CHST9: variants seen among roughly 807,000 people sequenced by gnomAD.
The protein encoded by CHST9 is GalNAc-4-sulfotransferase 2.
In CHST9, 41 loss-of-function variants were observed where a neutral mutation model predicts 44.4. The observed-to-expected ratio is 0.92, with a 90% CI of 0.72 to 1.20. The LOEUF (loss-of-function observed/expected upper bound fraction) is 1.20. CHST9 is among the 50% of genes most tolerant of loss of function. The probability of loss-of-function intolerance (pLI) is 0.00; values close to 1 mark genes in which losing one functional copy is unlikely to be tolerated. For synonymous variants in CHST9, 171 were observed against 178.4 expected (o/e 0.96, Z 0.33); for missense variants, 504 against 516.5 (o/e 0.98, Z 0.23).
At chr18:26,960,740 G>A (rs1355844345) in intron 4 of CHST9, among the ~76,000 whole-genome samples, 1 of 152,156 alleles carries the variant, frequency 6.6e-6, no homozygotes, top group African/African-American at 2.4e-5. Flanking sequence ...GTGCGATCAG[G>A]GCTCACTCTA....
intron 4 of CHST9, among the ~76,000 whole-genome samples, chr18:26,972,734 C>T (rs558157532): frequency 2.6e-5 from 4 of 152,272 alleles, no homozygotes; most frequent in Admixed American, 2.0e-4. Context: ...CAGGGGGCGG[C>T]GGCGAGCAAG....
chr18:27,010,213 T>C (rs888247430), intron 4 of CHST9, among the ~76,000 whole-genome samples: 5 of 152,102 alleles, frequency 3.3e-5, no homozygotes, highest in African/African-American at 1.2e-4. Flanking sequence ...GAAAGGGAGA[T>C]CTCATATTCT....
chr18:27,161,347 T>C (rs1241506569), intron 1 of CHST9, among the ~76,000 whole-genome samples: 1 of 152,190 alleles, frequency 6.6e-6, no homozygotes, highest in Admixed American at 6.5e-5. Context: ...CATCTTTATT[T>C]CTGCCTTCAT....
At chr18:27,165,898 C>T (rs1047743762) in intron 1 of CHST9, among the ~76,000 whole-genome samples, 2 of 152,218 alleles carry the variant, frequency 1.3e-5, no homozygotes, top group Non-Finnish European at 2.9e-5. Context: ...TGAAATACCA[C>T]AGCCACATAG....
At position 27,131,843 on chromosome 18, in the gene CHST9, G is replaced by A. The variant is rs550248278; in HGVS notation, c.121+10846C>T. Among the ~76,000 whole-genome samples, 576 of 152,258 alleles carry A rather than the reference G, an allele frequency of 3.8e-3. 2 individuals are homozygous for A. Among genetic ancestry groups the A allele is most frequent in the Middle Eastern group, 0.01 (3 of 294 alleles). ...TTTAATTTAAAACATTCCTTTCTGC[G>A]AATCCAAATTTTACACAGAGTCTTA... is the stretch of plus-strand genomic sequence containing the variant. On this transcript the variant is annotated intron_variant, in intron 2 of 5. Coordinates refer to ENST00000618847, the MANE Select transcript of CHST9 (RefSeq NM_031422.6).
Position 27,053,281 on chromosome 18 carries a change from A to AAGAAGAAGAAGAG in CHST9, c.122-4779_122-4778insCTCTTCTTCTTCT, listed in dbSNP as rs1568151323. On this transcript the variant is annotated intron_variant, in intron 2 of 5. Coordinates refer to ENST00000618847, the MANE Select transcript of CHST9 (RefSeq NM_031422.6). Reference sequence around the variant, plus strand: ...AAGAAGGAGAAGGAGAAGGAGAAGGAGAAGGAGAAGGAGAAGGAGAAGGAG... The same window carrying AAGAAGAAGAAGAG: ...AAGAAGGAGAAGGAGAAGGAGAAGGAAGAAGAAGAAGAGGAAGGAGAAGGAGAAGGAGAAGGAG... Among the ~76,000 whole-genome samples the AAGAAGAAGAAGAG allele has an allele frequency of 6.7e-5, 9 of 134,436 alleles. 1 individual carries two copies. Among genetic ancestry groups the AAGAAGAAGAAGAG allele is most frequent in the African/African-American group, 2.6e-4 (9 of 34,994 alleles). 88.2% of individuals were successfully genotyped at this position (134,436 alleles called of 152,430 possible). A position where few individuals can be genotyped will look rare whatever the true frequency, so the allele number is the denominator to read the frequency against.
At chr18:26,938,234 C>T (rs947632113) in intron 5 of CHST9, among the ~76,000 whole-genome samples, 4 of 151,994 alleles carry the variant, frequency 2.6e-5, no homozygotes, top group South Asian at 2.1e-4. Flanking sequence ...CCCAGCACTT[C>T]GACATTTACA....
chr18:27,014,239 C>T (rs1177151101), intron 4 of CHST9, among the ~76,000 whole-genome samples: 1 of 151,900 alleles, frequency 6.6e-6, no homozygotes, highest in Non-Finnish European at 1.5e-5. Context: ...TAGTTCTATG[C>T]TCCTATGTTC....
At chr18:27,016,771 A>T (rs184196990) in intron 4 of CHST9, among the ~76,000 whole-genome samples, 1 of 152,334 alleles carries the variant, frequency 6.6e-6, no homozygotes, top group East Asian at 1.9e-4. Flanking sequence ...GTGTGTATGT[A>T]TACATCTATG....
chr18:27,171,056 A>G (rs373297630), intron 1 of CHST9, among the ~76,000 whole-genome samples: 14 of 152,172 alleles, frequency 9.2e-5, no homozygotes, highest in Admixed American at 6.5e-4. Context: ...AACAGAAGAA[A>G]AGCGCATGAC....
chr18:27,152,440 C>A (rs1380241052), intron 1 of CHST9, among the ~76,000 whole-genome samples: 1 of 150,990 alleles, frequency 6.6e-6, no homozygotes, highest in Non-Finnish European at 1.5e-5. Context: ...TGAAAAAACA[C>A]AGAGGTTATT....
chr18:26,920,435 C>A (rs12970341), intron 5 of CHST9, among the ~76,000 whole-genome samples: 21,663 of 152,144 alleles, frequency 0.14, 1,793 homozygotes, highest in East Asian at 0.22. Flanking sequence ...CAGAACCCTG[C>A]TTATTTTTCT....
intron 1 of CHST9, among the ~76,000 whole-genome samples, chr18:27,169,924 T>C (rs1457135654): frequency 1.3e-5 from 2 of 152,144 alleles, no homozygotes; most frequent in African/African-American, 2.4e-5. Flanking sequence ...ATATATTCTT[T>C]TAAGCAGCAA....
chr18:27,130,816 A>G (rs1302986724), intron 2 of CHST9, among the ~76,000 whole-genome samples: 1 of 152,184 alleles, frequency 6.6e-6, no homozygotes, highest in South Asian at 2.1e-4. Flanking sequence ...AATCTCAAAA[A>G]CCTACTGTTG....
chr18:27,160,595 G>A (rs1008411463), intron 1 of CHST9, among the ~76,000 whole-genome samples: 1 of 152,108 alleles, frequency 6.6e-6, no homozygotes, highest in Admixed American at 6.6e-5. Context: ...TCTCTGCCAG[G>A]CTTTGGTATC....
At chr18:26,972,972 G>A (rs1568116066) in intron 4 of CHST9, among the ~76,000 whole-genome samples, 1 of 152,168 alleles carries the variant, frequency 6.6e-6, no homozygotes, top group Non-Finnish European at 1.5e-5. Flanking sequence ...GTTTACTGAA[G>A]CCAGCTACAC....
At chr18:27,184,868 C>T (rs1223880479) in intron 1 of CHST9, among the ~76,000 whole-genome samples, 5 of 152,184 alleles carry the variant, frequency 3.3e-5, no homozygotes, top group African/African-American at 7.2e-5. Flanking sequence ...TCCAGCGCCC[C>T]CTCAAAGTCA....
chr18:27,083,340 C>T (rs1486592208), intron 2 of CHST9, among the ~76,000 whole-genome samples: 1 of 152,100 alleles, frequency 6.6e-6, no homozygotes, highest in Non-Finnish European at 1.5e-5. Flanking sequence ...GTTTAAGGCA[C>T]ATTCTGCAGG....
intron 2 of CHST9, among the ~76,000 whole-genome samples, chr18:27,095,242 G>A (rs1244792225): frequency 6.6e-6 from 1 of 152,138 alleles, no homozygotes; most frequent in East Asian, 1.9e-4. Flanking sequence ...GAAAAGCAAT[G>A]TATATTGTAA....
Sources: gnomAD v4.1 joint callset for allele counts (sites outside exome capture counted in the v4.1 genomes callset) on GRCh38, gnomAD v4.1.1 for gene constraint, MANE v1.5 for transcripts, NCBI Gene and HGNC (gene_info 2026-07-23, HGNC 2026-07-21) for gene names.